Variants in MFSD6 observed in about 807,000 individuals in gnomAD.
MFSD6 encodes the protein major facilitator superfamily domain-containing protein 6.
MFSD6 carries 26 observed loss-of-function variants against 56.3 expected under a neutral mutation model. That is an observed-to-expected ratio of 0.46 (90% CI 0.34 to 0.64). The LOEUF (loss-of-function observed/expected upper bound fraction) is 0.64. Ranked by LOEUF, MFSD6 falls within the 30% of genes least tolerant of loss-of-function variation. MFSD6 has a pLI of 0.01. For synonymous variants in MFSD6, 331 were observed against 366.9 expected (o/e 0.90, Z 1.12); for missense variants, 750 against 986.2 (o/e 0.76, Z 3.21).
intron 6 of MFSD6, among the ~76,000 whole-genome samples, chr2:190,493,295 A>T (rs1689470922): frequency 6.6e-6 from 1 of 152,218 alleles, no homozygotes; most frequent in Non-Finnish European, 1.5e-5. Flanking sequence ...GGGTGACATT[A>T]TATAATGATA....
At position 190,492,114 on chromosome 2, in the gene MFSD6, A is replaced by C. The variant is rs918759124; in HGVS notation, c.1891+2248A>C. Among the ~76,000 whole-genome samples the C allele has an allele frequency of 6.6e-5, 10 of 152,230 alleles. No individual in the cohort carries two copies. Among genetic ancestry groups the C allele is most frequent in the Admixed American group, 4.6e-4 (7 of 15,286 alleles). ...TTAATCCAACGAAGACAAAGAAAAA[A>C]GAATTTTAAAAAATGAACAAAGCCT... On this transcript the variant is annotated intron_variant, in intron 6 of 7. Coordinates refer to ENST00000392328, the MANE Select transcript of MFSD6 (RefSeq NM_017694.4). This position sits in a 1 kb window ranked among gnomAD's most constrained non-coding sequence, Gnocchi z 5.2.
chr2:190,429,660 A>C (rs1685900477), intron 2 of MFSD6, among the ~76,000 whole-genome samples: 1 of 152,082 alleles, frequency 6.6e-6, no homozygotes. Flanking sequence ...TTCTTCTTTA[A>C]TGTTTAATAT....
At position 190,434,954 on chromosome 2, in the gene MFSD6, G is replaced by A. The variant is rs1686127788; in HGVS notation, c.-53-1023G>A. On this transcript the variant is annotated intron_variant, in intron 2 of 7. Transcript: ENST00000392328. The surrounding 1 kb of genome is among the most constrained non-coding windows in gnomAD (Gnocchi z 4.3). ...GCAGAGGTATTAGATTTGCATAGGA[G>A]CATGAACGCTATTGTGAACTGTGCA... is the stretch of plus-strand genomic sequence containing the variant. Among the ~76,000 whole-genome samples, 1 of 152,188 alleles carries A rather than the reference G, an allele frequency of 6.6e-6. No homozygotes were observed. Among genetic ancestry groups the A allele is most frequent in the Admixed American group, 6.5e-5 (1 of 15,282 alleles).
chr2:190,429,251 T>C (rs1398263607), intron 2 of MFSD6, among the ~76,000 whole-genome samples: 1 of 152,058 alleles, frequency 6.6e-6, no homozygotes, highest in African/African-American at 2.4e-5. Flanking sequence ...TGTGTGTGTA[T>C]ACATATATCA....
rs1261409617 is a variant in MFSD6 at position 190,489,429 on chromosome 2, T to C, written c.1793-339T>C. ...GAGCACTGCTGTTCCAACTACAGAT[T>C]AATAGTGCTGTTAGTTAATAATTGG... On this transcript the variant is annotated intron_variant, in intron 5 of 7. Coordinates refer to ENST00000392328, the MANE Select transcript of MFSD6 (RefSeq NM_017694.4). The surrounding 1 kb of genome is among the most constrained non-coding windows in gnomAD (Gnocchi z 6.6). Among the ~76,000 whole-genome samples, 2 of 152,182 alleles carry C rather than the reference T, an allele frequency of 1.3e-5. No homozygotes were observed. Among genetic ancestry groups the C allele is most frequent in the Non-Finnish European group, 2.9e-5 (2 of 68,026 alleles).
intron 2 of MFSD6, among the ~76,000 whole-genome samples, chr2:190,429,047 A>G (rs2125024259): frequency 6.6e-6 from 1 of 152,226 alleles, no homozygotes; most frequent in Middle Eastern, 3.4e-3. Context: ...TTCACTGGCG[A>G]TTAATCAAGT....
At position 190,438,130 on chromosome 2, in the gene MFSD6, C is replaced by G. The variant is rs1461002801; in HGVS notation, c.1532+569C>G. Among the ~76,000 whole-genome samples the G allele has an allele frequency of 1.3e-5, 2 of 151,930 alleles. No homozygotes were observed. Among genetic ancestry groups the G allele is most frequent in the Non-Finnish European group, 1.5e-5 (1 of 68,004 alleles). The stretch of plus-strand genomic sequence containing the variant: ...ATTTTTTTTGGGTTATTACATGACT[C>G]CCTGCATTTCTGTCCACCATGAAGA... On this transcript the variant is annotated intron_variant, in intron 3 of 7. Transcript: ENST00000392328. The surrounding 1 kb of genome is among the most constrained non-coding windows in gnomAD (Gnocchi z 5.2).
Position 190,437,223 on chromosome 2 carries a change from C to T in MFSD6, c.1194C>T (p.Asn398=), listed in dbSNP as rs372117138. ...GGTTCCGCTACAACCATTTCAAAAA[C>T]GATGATTCTAAAGGGAAAGAGGTGG... ...QFRFRYNHFK[N]DDSKGKEVEI... is the part of the protein sequence containing the mutation. Residue 398 remains asparagine (N), a synonymous_variant, in exon 3 of 8, where the codon AAC becomes AAT. Transcript: ENST00000392328. The surrounding 1 kb of genome is among the most constrained non-coding windows in gnomAD (Gnocchi z 5.9). 32 of 1,614,102 alleles carry T rather than the reference C, an allele frequency of 2.0e-5. No homozygotes were observed. Among genetic ancestry groups the T allele is most frequent in the Middle Eastern group, 1.6e-4 (1 of 6,084 alleles).
Position 190,417,884 on chromosome 2 carries a change from A to G in MFSD6, c.-54+2471A>G, listed in dbSNP as rs181734226. Among the ~76,000 whole-genome samples the G allele has an allele frequency of 6.7e-4, 102 of 151,746 alleles. No individual in the cohort carries two copies. Among genetic ancestry groups the G allele is most frequent in the African/African-American group, 2.4e-3 (99 of 41,334 alleles). On this transcript the variant is annotated intron_variant, in intron 2 of 7. Coordinates refer to ENST00000392328, the MANE Select transcript of MFSD6 (RefSeq NM_017694.4). The surrounding 1 kb of genome is among the most constrained non-coding windows in gnomAD (Gnocchi z 5.7). ...TCCAGAAGCATGCCTATTGTCCCTA[A>G]TATCTTTTAGTTAATAAATTATATA...
rs1232886745 is a variant in MFSD6, at chr2:190,416,616, A to G, written c.-54+1203A>G. 6.6e-6 allele frequency among the ~76,000 whole-genome samples: 1 copy of G among 152,236 alleles called. No individual in the cohort carries two copies. Among genetic ancestry groups the G allele is most frequent in the East Asian group, 1.9e-4 (1 of 5,204 alleles). On this transcript the variant is annotated intron_variant, in intron 2 of 7. Coordinates refer to ENST00000392328, the MANE Select transcript of MFSD6 (RefSeq NM_017694.4). The surrounding 1 kb of genome is among the most constrained non-coding windows in gnomAD (Gnocchi z 4.1). Reference sequence around the variant, plus strand: ...TAGCCTAGTTCAAGGGTGGTGCCAAATAATTCTGGGAAAAGTGCTTTTGGC... The same window carrying G: ...TAGCCTAGTTCAAGGGTGGTGCCAAGTAATTCTGGGAAAAGTGCTTTTGGC...
rs1399600519 is a variant in MFSD6 at position 190,462,540 on chromosome 2, T to C, written c.1533-7218T>C. Among the ~76,000 whole-genome samples, 1 of 152,130 alleles carries C rather than the reference T, an allele frequency of 6.6e-6. No homozygotes were observed. Among genetic ancestry groups the C allele is most frequent in the African/African-American group, 2.4e-5 (1 of 41,424 alleles). ...CTGAGCAAGGCAGGCTCTTTTTGAG[T>C]ACAAAGAGGAAGAAGACATGGCCGT... is the stretch of plus-strand genomic sequence containing the variant. On this transcript the variant is annotated intron_variant, in intron 3 of 7. Transcript: ENST00000392328. The surrounding 1 kb of genome is among the most constrained non-coding windows in gnomAD (Gnocchi z 5.7).
At chr2:190,430,277 A>G (rs1406892254) in intron 2 of MFSD6, among the ~76,000 whole-genome samples, 1 of 146,064 alleles carries the variant, frequency 6.8e-6, no homozygotes, top group East Asian at 2.0e-4. Flanking sequence ...GGGTCATAGG[A>G]TAGTAGTGGA....
intron 4 of MFSD6, among the ~76,000 whole-genome samples, chr2:190,474,314 G>T (rs150631586): frequency 6.6e-6 from 1 of 152,022 alleles, no homozygotes; most frequent in Non-Finnish European, 1.5e-5. Flanking sequence ...TTGATAGACC[G>T]CTAGCAAGAC....
rs779450968 is a variant in MFSD6 at position 190,417,370 on chromosome 2, G to A, written c.-54+1957G>A. 9.9e-5 allele frequency among the ~76,000 whole-genome samples: 15 copies of A among 152,072 alleles called. No homozygotes were observed. The highest frequency in any genetic ancestry group is 6.6e-5 in the Admixed American group (1 of 15,260). On this transcript the variant is annotated intron_variant, in intron 2 of 7. Transcript: ENST00000392328. This position sits in a 1 kb window ranked among gnomAD's most constrained non-coding sequence, Gnocchi z 5.7. ...TCTATTCATCCTTTAAGATTGGCTC[G>A]AGGCCCCACACCACAGACCCTCTGT...
chr2:190,490,573 CA>C lies in MFSD6; in HGVS notation c.1891+713del, dbSNP rs559029213. Among the ~76,000 whole-genome samples, 1 of 149,450 alleles carries C rather than the reference CA, an allele frequency of 6.7e-6. No homozygotes were observed. Among genetic ancestry groups the C allele is most frequent in the Non-Finnish European group, 1.5e-5 (1 of 66,960 alleles). On this transcript the variant is annotated intron_variant, in intron 6 of 7. Coordinates refer to ENST00000392328, the MANE Select transcript of MFSD6 (RefSeq NM_017694.4). The surrounding 1 kb of genome is among the most constrained non-coding windows in gnomAD (Gnocchi z 4.5). ...GCAAGACTCCCTCTCAAAAAAAAAACAAAAAACAAAGACAAAAATGTCAAGA... is the reference window on the plus strand; with the variant it reads ...GCAAGACTCCCTCTCAAAAAAAAAACAAAAACAAAGACAAAAATGTCAAGA...
In MFSD6 at chr2:190,413,579, C is replaced by T. The variant is rs563338924; in HGVS notation, c.-175-1713C>T. On this transcript the variant is annotated intron_variant, in intron 1 of 7. Coordinates refer to ENST00000392328, the MANE Select transcript of MFSD6 (RefSeq NM_017694.4). The surrounding 1 kb of genome is among the most constrained non-coding windows in gnomAD (Gnocchi z 4.1). ...GAAAGACAGGGACACTATGAATCAGCAGTGGGCAGAGTGAGCTCTGGTGTG... is the reference window on the plus strand; with the variant it reads ...GAAAGACAGGGACACTATGAATCAGTAGTGGGCAGAGTGAGCTCTGGTGTG... Among the ~76,000 whole-genome samples the T allele has an allele frequency of 6.6e-6, 1 of 152,186 alleles. No individual in the cohort carries two copies. Among genetic ancestry groups the T allele is most frequent in the South Asian group, 2.1e-4 (1 of 4,816 alleles).
chr2:190,449,679 C>T (rs1315527496), intron 3 of MFSD6, among the ~76,000 whole-genome samples: 2 of 152,084 alleles, frequency 1.3e-5, no homozygotes, highest in East Asian at 1.9e-4. Context: ...AAATACTATG[C>T]AGCCATAAAA....
intron 4 of MFSD6, among the ~76,000 whole-genome samples, chr2:190,479,259 C>A (rs1253459475): frequency 1.3e-5 from 2 of 152,178 alleles, no homozygotes; most frequent in African/African-American, 4.8e-5. Context: ...TATTCTCTTG[C>A]AGCTATATCT....
rs576712730 is a variant in MFSD6, at chr2:190,431,008, G to A, written c.-53-4969G>A. Among the ~76,000 whole-genome samples, 98 of 111,994 alleles carry A rather than the reference G, an allele frequency of 8.8e-4. 2 individuals carry two copies. The South Asian group carries it at 0.026, about 30-fold the overall frequency. 73.5% of individuals were successfully genotyped at this position (111,994 alleles called of 152,430 possible). On this transcript the variant is annotated intron_variant, in intron 2 of 7. Transcript: ENST00000392328. The surrounding 1 kb of genome is among the most constrained non-coding windows in gnomAD (Gnocchi z 4.4). ...TCAGATGGGGCAGCTGGGCAGAGAC[G>A]CTCCTCACCTCCCAGACGGGGTCGC...
Sources: allele counts gnomAD v4.1 joint callset (sites outside exome capture counted in the v4.1 genomes callset), GRCh38; gene constraint gnomAD v4.1.1; non-coding constraint Gnocchi (gnomAD v3.1); transcripts MANE v1.5; gene names NCBI Gene and HGNC (gene_info 2026-07-23, HGNC 2026-07-21).